ZNF827: variants seen among roughly 807,000 people sequenced by gnomAD.
ZNF827 encodes zinc finger protein 827.
ZNF827 carries 13 observed loss-of-function variants against 102.4 expected under a neutral mutation model. That is an observed-to-expected ratio of 0.13 (90% CI 0.08 to 0.20). The LOEUF is 0.20. ZNF827 is among the 10% of genes least tolerant of loss of function. The pLI is 1.00. For synonymous variants in ZNF827, 523 were observed against 536.2 expected (o/e 0.98, Z 0.34); for missense variants, 1,103 against 1,344.4 (o/e 0.82, Z 2.81).
At chr4:145,875,641 G>A (rs1438155030) in intron 4 of ZNF827, among the ~76,000 whole-genome samples, 2 of 152,202 alleles carry the variant, frequency 1.3e-5, no homozygotes, top group East Asian at 1.9e-4. Context: ...TCCCTCTGGT[G>A]AAGGAAAATG....
intron 2 of ZNF827, among the ~76,000 whole-genome samples, chr4:145,896,505 G>A (rs929371557): frequency 1.3e-5 from 2 of 152,168 alleles, no homozygotes; most frequent in African/African-American, 4.8e-5. Context: ...CCCAAACAAT[G>A]CCAGGTACAA....
At chr4:145,905,781 A>G (rs1421249463) in intron 1 of ZNF827, among the ~76,000 whole-genome samples, 1 of 152,250 alleles carries the variant, frequency 6.6e-6, no homozygotes, top group Non-Finnish European at 1.5e-5. Flanking sequence ...ATAGTAAGTC[A>G]AAAGTTTAAA....
chr4:145,863,910 T>C (rs993638525), intron 5 of ZNF827, among the ~76,000 whole-genome samples: 2 of 152,138 alleles, frequency 1.3e-5, no homozygotes, highest in Non-Finnish European at 2.9e-5. Flanking sequence ...TTAATAAAGA[T>C]GGGCCAGGCG....
intron 5 of ZNF827, among the ~76,000 whole-genome samples, chr4:145,862,203 T>C (rs1457960792): frequency 1.3e-5 from 2 of 152,178 alleles, no homozygotes; most frequent in African/African-American, 4.8e-5. Flanking sequence ...GAGAGCCTGT[T>C]GGAATAAGTT....
At chr4:145,898,904 C>T (rs1342605826) in intron 2 of ZNF827, among the ~76,000 whole-genome samples, 3 of 152,152 alleles carry the variant, frequency 2.0e-5, no homozygotes, top group Non-Finnish European at 4.4e-5. Flanking sequence ...TTTTCTAGCA[C>T]ATATCTCTTT....
At chr4:145,808,635 T>C (rs1741724298) in intron 8 of ZNF827, among the ~76,000 whole-genome samples, 1 of 152,182 alleles carries the variant, frequency 6.6e-6, no homozygotes, top group African/African-American at 2.4e-5. Context: ...CAAATAGTGT[T>C]CCTTAGTCTG....
chr4:145,765,364 C>T lies in ZNF827; in HGVS notation c.3052+183G>A, dbSNP rs954941272. ...CGGAATCAATGTCACCCTCCCCATC[C>T]TTCCACCCCATACTCGGATTCAAAT... On this transcript the variant is annotated intron_variant, in intron 12 of 14. Transcript: ENST00000508784. The surrounding 1 kb of genome is among the most constrained non-coding windows in gnomAD (Gnocchi z 4.7). Among the ~76,000 whole-genome samples, 5 of 152,208 alleles carry T rather than the reference C, an allele frequency of 3.3e-5. No individual in the cohort carries two copies. Among genetic ancestry groups the T allele is most frequent in the Non-Finnish European group, 5.9e-5 (4 of 68,036 alleles).
intron 8 of ZNF827, among the ~76,000 whole-genome samples, chr4:145,800,059 T>C (rs1004653348): frequency 2.6e-5 from 4 of 152,196 alleles, no homozygotes; most frequent in African/African-American, 9.6e-5. Flanking sequence ...AATTTTTTCA[T>C]GTAAAGTATG....
intron 8 of ZNF827, among the ~76,000 whole-genome samples, chr4:145,801,027 A>G (rs182204113): frequency 4.1e-4 from 63 of 152,352 alleles, no homozygotes; most frequent in African/African-American, 1.5e-3. Flanking sequence ...TTAAATTAAG[A>G]AGTTCACTGA....
chr4:145,784,413 G>C (rs1437674925), intron 8 of ZNF827, among the ~76,000 whole-genome samples: 1 of 152,082 alleles, frequency 6.6e-6, no homozygotes, highest in Non-Finnish European at 1.5e-5. Context: ...GTTCCTCTTG[G>C]TCTTAGGACT....
rs1041877971 is a variant in ZNF827 at position 145,760,949 on chromosome 4, G to A, written c.*667C>T. On this transcript the variant is annotated 3_prime_UTR_variant, in exon 15 of 15. Coordinates refer to ENST00000508784, the MANE Select transcript of ZNF827 (RefSeq NM_001306215.2). ...ATGAGATGGGCAAAATCTGAGTTCCGGTACTTGTCAAAGCGCAAAGGGGAG... is the reference window on the plus strand; with the variant it reads ...ATGAGATGGGCAAAATCTGAGTTCCAGTACTTGTCAAAGCGCAAAGGGGAG... The A allele has an allele frequency of 8.2e-5, 101 of 1,232,962 alleles. No homozygotes were observed. The highest frequency in any genetic ancestry group is 9.6e-5 in the Non-Finnish European group (92 of 962,658). 76.4% of individuals were successfully genotyped at this position (1,232,962 alleles called of 1,614,324 possible).
intron 1 of ZNF827, among the ~76,000 whole-genome samples, chr4:145,919,611 T>C (rs1352559837): frequency 6.6e-6 from 1 of 152,236 alleles, no homozygotes; most frequent in Non-Finnish European, 1.5e-5. Context: ...AGACATGGTA[T>C]GAGGAATACA....
chr4:145,926,987 C>T (rs994196118), intron 1 of ZNF827, among the ~76,000 whole-genome samples: 3 of 151,996 alleles, frequency 2.0e-5, no homozygotes, highest in African/African-American at 7.2e-5. Flanking sequence ...TTTGATTTCT[C>T]ACTTTCTTAA....
Position 145,763,225 on chromosome 4 carries a change from G to T in ZNF827, c.3231-103C>A. The T allele has an allele frequency of 8.6e-7, 1 of 1,160,730 alleles. No homozygotes were observed. Among genetic ancestry groups the T allele is most frequent in the Non-Finnish European group, 1.2e-6 (1 of 824,182 alleles). 71.9% of individuals were successfully genotyped at this position (1,160,730 alleles called of 1,614,324 possible). On this transcript the variant is annotated intron_variant, in intron 13 of 14. Coordinates refer to ENST00000508784, the MANE Select transcript of ZNF827 (RefSeq NM_001306215.2). The surrounding 1 kb of genome is among the most constrained non-coding windows in gnomAD (Gnocchi z 4.6). ...TCACAGAAAAGCAATTTAGACATCA[G>T]CAGTCTGTTTCATTTTAAGGACATT...
intron 1 of ZNF827, among the ~76,000 whole-genome samples, chr4:145,918,865 T>A (rs72956689): frequency 0.011 from 1,641 of 152,340 alleles, 37 homozygotes; most frequent in African/African-American, 0.038. Context: ...TCAGGGATCC[T>A]CCTGGTGCAA....
chr4:145,855,093 C>T (rs907297914), intron 5 of ZNF827, among the ~76,000 whole-genome samples: 10 of 152,172 alleles, frequency 6.6e-5, no homozygotes, highest in East Asian at 1.9e-4. Flanking sequence ...CAATCTGCTG[C>T]GAACACTCAT....
intron 2 of ZNF827, among the ~76,000 whole-genome samples, chr4:145,901,586 A>G (rs1311060029): frequency 2.6e-5 from 4 of 152,308 alleles, no homozygotes; most frequent in Middle Eastern, 3.4e-3. Flanking sequence ...AATCTTTTTG[A>G]GTTCTTATAG....
At chr4:145,918,531 A>C (rs908848859) in intron 1 of ZNF827, among the ~76,000 whole-genome samples, 2 of 150,698 alleles carry the variant, frequency 1.3e-5, no homozygotes, top group African/African-American at 4.9e-5. Context: ...AAAAATTCCG[A>C]TATATGGCAA....
intron 7 of ZNF827, among the ~76,000 whole-genome samples, chr4:145,825,120 G>A (rs1017126666): frequency 6.6e-6 from 1 of 152,246 alleles, no homozygotes; most frequent in Non-Finnish European, 1.5e-5. Context: ...GGTGGCTAAG[G>A]CCGTGAAGGA....
Sources: allele counts gnomAD v4.1 joint callset (sites outside exome capture counted in the v4.1 genomes callset), GRCh38; gene constraint gnomAD v4.1.1; non-coding constraint Gnocchi (gnomAD v3.1); transcripts MANE v1.5; gene names NCBI Gene and HGNC (gene_info 2026-07-23, HGNC 2026-07-21).